Variants in CDH18 observed in about 807,000 individuals in gnomAD.
The protein encoded by CDH18 is cadherin-18.
A neutral mutation model predicts 67.9 loss-of-function variants in CDH18; 31 were observed. The ratio of observed to expected loss-of-function variants is 0.46; its 90% CI spans 0.34 to 0.62. The LOEUF is 0.62. Among genes scored for constraint, CDH18 ranks in the 20% least tolerant of loss-of-function variants. The pLI, the probability that CDH18 is intolerant of heterozygous loss-of-function variation, is 0.01. For missense variants in CDH18, 890 were observed against 975.5 expected, an observed-to-expected ratio of 0.91 and a Z score of 1.17; for synonymous variants, 362 against 347.2, an observed-to-expected ratio of 1.04 and a Z score of -0.48.
At chr5:20,113,529 A>G (rs1747648519) in intron 2 of CDH18, among the ~76,000 whole-genome samples, 3 of 152,240 alleles carry the variant, frequency 2.0e-5, no homozygotes, top group Non-Finnish European at 4.4e-5. Flanking sequence ...TTTAGCTGTG[A>G]TACATGAGGC....
At chr5:19,652,661 G>A (rs963927690) in intron 5 of CDH18, among the ~76,000 whole-genome samples, 2 of 151,988 alleles carry the variant, frequency 1.3e-5, no homozygotes, top group African/African-American at 4.8e-5. Context: ...AGGAGGTGAC[G>A]ATTGGCGTTT....
At chr5:19,698,495 C>G (rs1561078123) in intron 5 of CDH18, among the ~76,000 whole-genome samples, 1 of 151,906 alleles carries the variant, frequency 6.6e-6, no homozygotes, top group Non-Finnish European at 1.5e-5. Flanking sequence ...TATAAAATAT[C>G]TCCAAACATT....
intron 2 of CDH18, among the ~76,000 whole-genome samples, chr5:20,091,668 T>G (rs1020758768): frequency 4.7e-5 from 7 of 150,462 alleles, no homozygotes; most frequent in African/African-American, 1.7e-4. Context: ...CACTTGAATT[T>G]TGCATTATTA....
At chr5:20,542,487 C>T (rs1757106281) in intron 1 of CDH18, among the ~76,000 whole-genome samples, 1 of 151,052 alleles carries the variant, frequency 6.6e-6, no homozygotes, top group Non-Finnish European at 1.5e-5. Context: ...ACATACAATG[C>T]TATATTGTGT....
At chr5:20,319,652 G>A (rs997927593) in intron 1 of CDH18, among the ~76,000 whole-genome samples, 4 of 152,002 alleles carry the variant, frequency 2.6e-5, no homozygotes, top group Admixed American at 6.6e-5. Flanking sequence ...CAAGAGTGTC[G>A]AATTAAAATT....
At chr5:19,811,924 A>AAATTCTCTCCC in intron 3 of CDH18, among the ~76,000 whole-genome samples, 1 of 152,340 alleles carries the variant, frequency 6.6e-6, no homozygotes, top group South Asian at 2.1e-4. Context: ...AACAATAAGG[A>AAATTCTCTCCC]AATCAAACTG....
chr5:20,568,462 A>G (rs890076524), intron 1 of CDH18, among the ~76,000 whole-genome samples: 5 of 152,166 alleles, frequency 3.3e-5, no homozygotes, highest in Admixed American at 6.5e-5. Flanking sequence ...AGTTAATTAT[A>G]TTGATTTATG....
chr5:19,593,707 C>CCTCCTCCTCCTCCTT, intron 6 of CDH18, among the ~76,000 whole-genome samples: 9 of 33,402 alleles, frequency 2.7e-4, no homozygotes, highest in African/African-American at 1.0e-3. Flanking sequence ...TCCTCCTCCT[C>CCTCCTCCTCCTCCTT]CTTCTTCTTC....
chr5:20,342,152 G>T (rs1740320603), intron 1 of CDH18, among the ~76,000 whole-genome samples: 1 of 152,130 alleles, frequency 6.6e-6, no homozygotes, highest in African/African-American at 2.4e-5. Context: ...AAAGATCCAT[G>T]CACAGCCTCA....
chr5:20,465,075 C>T lies in CDH18; in HGVS notation c.-580+110387G>A, dbSNP rs530221912. On this transcript the variant is annotated intron_variant, in intron 1 of 14. Coordinates refer to the CDH18 transcript ENST00000507958. The stretch of plus-strand genomic sequence containing the variant: ...TTCAATTCTACACATGTAAATGACA[C>T]GAGAGAATAGACCAAATATAGGAGC... Among the ~76,000 whole-genome samples the T allele has an allele frequency of 1.2e-4, 19 of 152,022 alleles. No homozygotes were observed. The East Asian group carries it at 1.7e-3, about 14-fold the overall frequency.
chr5:19,949,120 A>G (rs928004873), intron 2 of CDH18, among the ~76,000 whole-genome samples: 21 of 152,232 alleles, frequency 1.4e-4, no homozygotes, highest in Non-Finnish European at 7.4e-5. Context: ...CCATCACACT[A>G]TATTTTCTCA....
intron 3 of CDH18, among the ~76,000 whole-genome samples, chr5:19,785,148 C>G (rs945269723): frequency 6.6e-6 from 1 of 152,074 alleles, no homozygotes; most frequent in African/African-American, 2.4e-5. Context: ...ATTGGCTGAA[C>G]GTAAACCTCT....
At chr5:19,880,035 A>G (rs1286038677) in intron 2 of CDH18, among the ~76,000 whole-genome samples, 1 of 152,050 alleles carries the variant, frequency 6.6e-6, no homozygotes, top group Admixed American at 6.6e-5. Flanking sequence ...TACCATGCAA[A>G]CATACATTTG....
chr5:20,021,332 G>A (rs1595128), intron 2 of CDH18, among the ~76,000 whole-genome samples: 2,497 of 152,262 alleles, frequency 0.016, 80 homozygotes, highest in African/African-American at 0.057. Context: ...TTGGGGGACT[G>A]TTGAGAGAGG....
chr5:19,889,753 ACACACATAT>A lies in CDH18; in HGVS notation c.-256-50520_-256-50512del, dbSNP rs1788588772. Among the ~76,000 whole-genome samples, 6 of 152,314 alleles carry A rather than the reference ACACACATAT, an allele frequency of 3.9e-5. 1 individual carries two copies. In the South Asian group the frequency reaches 1.2e-3, roughly 32 times the overall value. On this transcript the variant is annotated intron_variant, in intron 2 of 12. Coordinates refer to ENST00000382275, the MANE Select transcript of CDH18 (RefSeq NM_004934.5). The stretch of plus-strand genomic sequence containing the variant: ...TTATATTAATTTTTAAAAGGCCTAA[ACACACATAT>A]GGTCACAGCCAAAAAAAGTCATGAT...
At chr5:19,852,429 T>C (rs1343725939) in intron 2 of CDH18, among the ~76,000 whole-genome samples, 4 of 151,950 alleles carry the variant, frequency 2.6e-5, no homozygotes, top group African/African-American at 9.7e-5. Context: ...GTTCTCATTG[T>C]TTACTTTTGG....
chr5:19,686,379 A>G (rs143962323), intron 5 of CDH18, among the ~76,000 whole-genome samples: 11 of 152,148 alleles, frequency 7.2e-5, no homozygotes, highest in Admixed American at 7.2e-4. Flanking sequence ...TTTTTATGTG[A>G]TAGTAGGTTT....
intron 6 of CDH18, among the ~76,000 whole-genome samples, chr5:19,592,506 A>G (rs2150031436): frequency 6.6e-6 from 1 of 152,218 alleles, no homozygotes; most frequent in East Asian, 1.9e-4. Flanking sequence ...CCAAGATTAA[A>G]TTAATAGTGA....
chr5:20,568,843 T>C (rs374194571), intron 1 of CDH18, among the ~76,000 whole-genome samples: 2 of 152,178 alleles, frequency 1.3e-5, no homozygotes, highest in South Asian at 4.1e-4. Flanking sequence ...GCTAGTCCAA[T>C]CCTTTGCCTC....
Sources: gnomAD v4.1 joint callset for allele counts (sites outside exome capture counted in the v4.1 genomes callset) on GRCh38, gnomAD v4.1.1 for gene constraint, MANE v1.5 for transcripts, NCBI Gene and HGNC (gene_info 2026-07-23, HGNC 2026-07-21) for gene names.